GTF2IRD2B: variants seen among roughly 807,000 people sequenced by gnomAD.
GTF2IRD2B encodes the protein GTF2I repeat domain containing 2B.
In GTF2IRD2B, 10 loss-of-function variants were observed where a neutral mutation model predicts 55.6. The observed-to-expected ratio is 0.18, with a 90% confidence interval of 0.11 to 0.31. The LOEUF (loss-of-function observed/expected upper bound fraction) is 0.31, where lower values mean the gene tolerates loss of function less well. GTF2IRD2B is among the 10% of genes least tolerant of loss of function. GTF2IRD2B has a pLI of 1.00. For missense variants in GTF2IRD2B, 206 were observed against 802.7 expected (o/e 0.26, Z 8.98); for synonymous variants, 107 against 320.5 (o/e 0.33, Z 7.12).
chr7:75,104,208 C>T (rs1409997861), intron 1 of GTF2IRD2B, among the ~76,000 whole-genome samples: 4 of 141,586 alleles, frequency 2.8e-5, no homozygotes, highest in African/African-American at 5.2e-5. Flanking sequence ...CTGCAACCTC[C>T]GCCTCCTGGG....
intron 3 of GTF2IRD2B, among the ~76,000 whole-genome samples, chr7:75,116,516 GA>G (rs1808161229): frequency 6.6e-6 from 1 of 150,460 alleles, no homozygotes; most frequent in African/African-American, 2.4e-5. Context: ...TATGAACAGA[GA>G]TAATTTTACT....
At position 75,112,459 on chromosome 7, in the gene GTF2IRD2B, G is replaced by C. The variant is rs1554450860; in HGVS notation, c.162G>C (p.Val54=). 1.5e-6 allele frequency: 1 copy of C among 650,938 alleles called. No homozygotes were observed. Among genetic ancestry groups the C allele is most frequent in the South Asian group, 1.7e-5 (1 of 59,456 alleles). 40.3% of individuals were successfully genotyped at this position (650,938 alleles called of 1,614,324 possible). The change falls in exon 3 of 16, where the codon GTG becomes GTC. Residue 54 remains valine (V), a synonymous_variant. Coordinates refer to ENST00000472837, the MANE Select transcript of GTF2IRD2B (RefSeq NM_001003795.3). ...VACIAVYETD[V]FVVGTERGCA... is the part of the protein sequence containing the mutation. ...GCATCGCAGTGTACGAAACAGACGT[G>C]TTTGTCGTCGGAACCGAGAGAGGAT...
At chr7:75,127,055 AGCAGGTTATCAT>A (rs587602419) in intron 8 of GTF2IRD2B, among the ~76,000 whole-genome samples, 2 of 150,438 alleles carry the variant, frequency 1.3e-5, no homozygotes, top group South Asian at 4.2e-4. Flanking sequence ...CCAAGTATCT[AGCAGGTTATCAT>A]TTGACACCTT....
intron 1 of GTF2IRD2B, among the ~76,000 whole-genome samples, chr7:75,102,294 C>T (rs1304116940): frequency 1.3e-5 from 2 of 150,624 alleles, no homozygotes; most frequent in Non-Finnish European, 3.0e-5. Context: ...AGCCACTGTG[C>T]CCGGCCATCA....
intron 8 of GTF2IRD2B, among the ~76,000 whole-genome samples, chr7:75,127,468 CAAAAAAAAA>C (rs71246071): frequency 3.0e-5 from 1 of 33,220 alleles, no homozygotes; most frequent in Non-Finnish European, 6.4e-5. Context: ...GACGTTGTCT[CAAAAAAAAA>C]AAAAAAAAAA....
intron 6 of GTF2IRD2B, among the ~76,000 whole-genome samples, chr7:75,124,158 A>C (rs1414797361): frequency 6.6e-6 from 1 of 151,938 alleles, no homozygotes; most frequent in Admixed American, 6.5e-5. Flanking sequence ...ACTTGAGGTC[A>C]GGAGTTCGAG....
At chr7:75,127,543 T>C (rs1191088249) in intron 8 of GTF2IRD2B, among the ~76,000 whole-genome samples, 1 of 148,136 alleles carries the variant, frequency 6.8e-6, no homozygotes, top group Non-Finnish European at 1.5e-5. Flanking sequence ...TAATGGGGAC[T>C]AAGATGTTAT....
intron 3 of GTF2IRD2B, among the ~76,000 whole-genome samples, chr7:75,113,983 AAGAG>A (rs1194220501): frequency 1.3e-4 from 19 of 149,408 alleles, no homozygotes; most frequent in African/African-American, 4.2e-4. Flanking sequence ...GATGATAGAT[AAGAG>A]AGAGGAATTA....
chr7:75,115,775 T>C (rs1808127397), intron 3 of GTF2IRD2B, among the ~76,000 whole-genome samples: 2 of 151,336 alleles, frequency 1.3e-5, no homozygotes, highest in Admixed American at 1.3e-4. Flanking sequence ...GTACGAGAAA[T>C]GCCCTTGAGA....
chr7:75,120,419 C>A (rs1554536662), intron 3 of GTF2IRD2B, among the ~76,000 whole-genome samples: 1 of 44,322 alleles, frequency 2.3e-5, no homozygotes. Flanking sequence ...GTGCCTCACA[C>A]CTGTAATCCC....
chr7:75,112,335 C>T, intron 2 of GTF2IRD2B, 62 bp from the exon 3 acceptor site: 1 of 391,342 alleles, frequency 2.6e-6, no homozygotes, highest in South Asian at 2.4e-5. Context: ...TCAGGCCTCC[C>T]AGGCCCCACA....
Position 75,127,028 on chromosome 7 carries a change from A to C in GTF2IRD2B, c.670+643A>C, listed in dbSNP as rs587701608. On this transcript the variant is annotated intron_variant, in intron 8 of 15. Transcript: ENST00000472837. Reference sequence around the variant, plus strand: ...AAACAAAAACAAAAACAAAAACAAAAAAAACAAAAAAAAGAACCAAGTATC... The same window carrying C: ...AAACAAAAACAAAAACAAAAACAAACAAAACAAAAAAAAGAACCAAGTATC... Among the ~76,000 whole-genome samples, 11 of 150,180 alleles carry C rather than the reference A, an allele frequency of 7.3e-5. No homozygotes were observed. In the East Asian group the frequency reaches 1.2e-3, roughly 16 times the overall value.
At chr7:75,103,401 G>T (rs587621976) in intron 1 of GTF2IRD2B, among the ~76,000 whole-genome samples, 32 of 151,386 alleles carry the variant, frequency 2.1e-4, no homozygotes, top group African/African-American at 7.5e-4. Context: ...AGTGCATCAG[G>T]TGCTTCCTAA....
chr7:75,106,944 A>G lies in GTF2IRD2B; in HGVS notation c.-5-2016A>G, dbSNP rs1220156880. Among the ~76,000 whole-genome samples the G allele has an allele frequency of 2.0e-5, 3 of 150,632 alleles. 1 individual carries two copies. Among genetic ancestry groups the G allele is most frequent in the Middle Eastern group, 3.4e-3 (1 of 294 alleles). On this transcript the variant is annotated intron_variant, in intron 1 of 15. Transcript: ENST00000472837. The stretch of plus-strand genomic sequence containing the variant: ...TGTCTCTAAAAACAAAACAAACAAA[A>G]AGCTAAAAAAAAAAAAAAATCTTGG...
chr7:75,112,574 A>G, intron 3 of GTF2IRD2B, 39 bp downstream of exon 3: 2 of 922,190 alleles, frequency 2.2e-6, no homozygotes, highest in Admixed American at 2.4e-5. Flanking sequence ...TCCCAATCTC[A>G]AAAGGATCGC....
chr7:75,147,447 C>T (rs1301504729), intron 15 of GTF2IRD2B, among the ~76,000 whole-genome samples: 1 of 151,908 alleles, frequency 6.6e-6, no homozygotes, highest in Admixed American at 6.6e-5. Flanking sequence ...ACAACGACAA[C>T]AAAAATTCAG....
At chr7:75,093,328 A>G (rs1170754106) in intron 1 of GTF2IRD2B, among the ~76,000 whole-genome samples, 1 of 151,816 alleles carries the variant, frequency 6.6e-6, no homozygotes, top group African/African-American at 2.4e-5. Flanking sequence ...TCCCGTTGCA[A>G]TTCTGGTTTC....
intron 3 of GTF2IRD2B, among the ~76,000 whole-genome samples, chr7:75,114,204 T>A (rs1808067008): frequency 6.6e-6 from 1 of 151,172 alleles, no homozygotes; most frequent in African/African-American, 2.4e-5. Flanking sequence ...GAAGACAGAT[T>A]AAAAAATGAA....
chr7:75,145,744 A>G lies in GTF2IRD2B; in HGVS notation c.1246+1766A>G, dbSNP rs1367577326. Among the ~76,000 whole-genome samples the G allele has an allele frequency of 1.7e-3, 254 of 146,448 alleles. 4 individuals carry two copies. The highest frequency in any genetic ancestry group is 6.2e-3 in the South Asian group (29 of 4,700). On this transcript the variant is annotated intron_variant, in intron 15 of 15. Transcript: ENST00000472837. ...AAGACTCTGTCTCAAAAAAAAAAAA[A>G]AAAAGAAAAGAAAACCAAAGTATCC...
Sources: gnomAD v4.1 joint callset for allele counts (sites outside exome capture counted in the v4.1 genomes callset) on GRCh38, gnomAD v4.1.1 for gene constraint, MANE v1.5 for transcripts, NCBI Gene and HGNC (gene_info 2026-07-23, HGNC 2026-07-21) for gene names.